The following REG4 variants were observed in gnomAD, a reference collection of about 807,000 sequenced individuals.
REG4 encodes regenerating islet-derived protein 4.
REG4 carries 16 observed loss-of-function variants against 22.3 expected under a neutral mutation model. The observed-to-expected ratio is 0.72, with a 90% CI of 0.49 to 1.09. The LOEUF (loss-of-function observed/expected upper bound fraction) is 1.09. REG4 is among the 50% of genes least tolerant of loss of function. REG4 has a pLI of 0.00. For missense variants in REG4, 214 were observed against 193.9 expected (o/e 1.10, Z -0.61); for synonymous variants, 71 against 69.2 (o/e 1.03, Z -0.13).
intron 5 of REG4, 65 bp from the exon 6 acceptor site, chr1:119,794,750 G>T: frequency 6.9e-7 from 1 of 1,446,196 alleles, no homozygotes; most frequent in South Asian, 1.1e-5. Context: ...AGAGTTATCT[G>T]GGTGTTTTTC....
At chr1:119,800,300 C>T (rs1428619396) in intron 3 of REG4, among the ~76,000 whole-genome samples, 1 of 152,094 alleles carries the variant, frequency 6.6e-6, no homozygotes, top group Non-Finnish European at 1.5e-5. Context: ...ATTTTGTGTC[C>T]CACGAAGAAA....
intron 1 of REG4, among the ~76,000 whole-genome samples, chr1:119,810,951 G>GTTCAA (rs1407066251): frequency 6.6e-6 from 1 of 152,162 alleles, no homozygotes; most frequent in African/African-American, 2.4e-5. Flanking sequence ...CTACTCAGGA[G>GTTCAA]GCTGAGGCAG....
At chr1:119,805,411 T>C (rs1162443102) in intron 2 of REG4, among the ~76,000 whole-genome samples, 1 of 152,170 alleles carries the variant, frequency 6.6e-6, no homozygotes, top group Non-Finnish European at 1.5e-5. Flanking sequence ...GCTCCTGGTT[T>C]GGTCTTGTGC....
At chr1:119,802,217 T>G in intron 3 of REG4, 2 of 515,660 alleles carry the variant, frequency 3.9e-6, no homozygotes, top group South Asian at 1.7e-4. Context: ...TCAGTTACTC[T>G]CAGTGTAAAC....
At chr1:119,795,962 C>G (rs764531687) in intron 5 of REG4, among the ~76,000 whole-genome samples, 2 of 152,206 alleles carry the variant, frequency 1.3e-5, no homozygotes, top group Non-Finnish European at 2.9e-5. Flanking sequence ...CAAGCACAGC[C>G]CAGCTCACTA....
chr1:119,810,048 G>A (rs1034036244), intron 1 of REG4, among the ~76,000 whole-genome samples: 1 of 151,596 alleles, frequency 6.6e-6, no homozygotes, highest in Admixed American at 6.6e-5. Flanking sequence ...GATCTTTTTT[G>A]TATGTTTATT....
intron 2 of REG4, among the ~76,000 whole-genome samples, chr1:119,807,703 G>C (rs1654365421): frequency 6.6e-6 from 1 of 152,200 alleles, no homozygotes; most frequent in Admixed American, 6.5e-5. Flanking sequence ...TCAGTGAACT[G>C]GTGTAGGGTT....
intron 2 of REG4, among the ~76,000 whole-genome samples, chr1:119,807,974 C>T (rs1456089871): frequency 1.3e-5 from 2 of 152,184 alleles, no homozygotes; most frequent in African/African-American, 2.4e-5. Flanking sequence ...TGTCCAACAC[C>T]CAGCAAAGCC....
At chr1:119,805,990 G>T (rs1024940132) in intron 2 of REG4, among the ~76,000 whole-genome samples, 1 of 152,198 alleles carries the variant, frequency 6.6e-6, no homozygotes, top group Non-Finnish European at 1.5e-5. Flanking sequence ...GGAGGGCAGC[G>T]GCGCCATCTC....
At chr1:119,802,650 G>C (rs1654147053) in intron 3 of REG4, 2 of 1,367,118 alleles carry the variant, frequency 1.5e-6, no homozygotes, top group African/African-American at 3.0e-5. Context: ...TTCACCTTCT[G>C]TCAGCGGCTC....
chr1:119,796,064 A>G (rs1054816351), intron 5 of REG4, among the ~76,000 whole-genome samples: 2 of 152,222 alleles, frequency 1.3e-5, no homozygotes, highest in Non-Finnish European at 2.9e-5. Flanking sequence ...CCTTTTCTCC[A>G]GGCCACGGAG....
At chr1:119,796,790 T>C (rs1175837070) in intron 5 of REG4, among the ~76,000 whole-genome samples, 1 of 152,212 alleles carries the variant, frequency 6.6e-6, no homozygotes, top group Non-Finnish European at 1.5e-5. Context: ...TTCAGGCTTC[T>C]GGTTCCCATC....
chr1:119,799,949 G>A, intron 3 of REG4, 87 bp from the exon 4 acceptor site: 1 of 1,520,108 alleles, frequency 6.6e-7, no homozygotes, highest in African/African-American at 1.4e-5. Flanking sequence ...CAAGAAGGAG[G>A]GACTCACGCA....
rs587689990 is a variant in REG4 at position 119,798,899 on chromosome 1, T to G, written c.304-297A>C. Among the ~76,000 whole-genome samples, 14 of 152,224 alleles carry G rather than the reference T, an allele frequency of 9.2e-5. No individual in the cohort carries two copies. In the East Asian group the frequency reaches 2.5e-3, roughly 27 times the overall value. On this transcript the variant is annotated intron_variant, in intron 4 of 5. Coordinates refer to ENST00000256585, the MANE Select transcript of REG4 (RefSeq NM_032044.4). The stretch of plus-strand genomic sequence containing the variant: ...GTAAAATTTCTGATAGTCAAATAAA[T>G]GACATTAAAAACGAAATAATTGTAT...
At chr1:119,802,448 C>A in intron 3 of REG4, 2 of 1,000,966 alleles carry the variant, frequency 2.0e-6, no homozygotes, top group Non-Finnish European at 2.4e-6. Context: ...AGGCCCAGAT[C>A]ATGCCAAATG....
intron 3 of REG4, chr1:119,802,719 G>A (rs1391594843): frequency 7.0e-7 from 1 of 1,436,386 alleles, no homozygotes; most frequent in Non-Finnish European, 9.1e-7. Flanking sequence ...ATCTTGTACA[G>A]AAACTCCATT....
intron 2 of REG4, among the ~76,000 whole-genome samples, chr1:119,805,691 T>G (rs1020720728): frequency 1.3e-5 from 2 of 152,160 alleles, no homozygotes; most frequent in African/African-American, 4.8e-5. Flanking sequence ...TTTGACTTTC[T>G]ATGTATCTCT....
intron 3 of REG4, 79 bp downstream of exon 3, chr1:119,802,989 C>A: frequency 6.3e-7 from 1 of 1,596,802 alleles, no homozygotes; most frequent in Admixed American, 1.8e-5. Flanking sequence ...ACACTTGATC[C>A]TGAATCAAAT....
chr1:119,807,041 T>C (rs1019456574), intron 2 of REG4, among the ~76,000 whole-genome samples: 25 of 152,228 alleles, frequency 1.6e-4, no homozygotes, highest in African/African-American at 5.5e-4. Context: ...TATTATGTAA[T>C]AGTTTTGAAA....
Sources: allele counts gnomAD v4.1 joint callset (sites outside exome capture counted in the v4.1 genomes callset), GRCh38; gene constraint gnomAD v4.1.1; transcripts MANE v1.5; gene names NCBI Gene and HGNC (gene_info 2026-07-23, HGNC 2026-07-21).